Variants in CSGALNACT1 observed in about 807,000 individuals in gnomAD.
The protein encoded by CSGALNACT1 is beta4GalNAcT-1.
Under a neutral mutation model 51.0 loss-of-function variants are expected in CSGALNACT1, and 52 were observed. The observed-to-expected ratio is 1.02, with a 90% CI of 0.82 to 1.29. CSGALNACT1 has a LOEUF of 1.29. Among genes scored for constraint, CSGALNACT1 ranks in the 50% most tolerant of loss-of-function variants. The probability of loss-of-function intolerance (pLI) is 0.00; values close to 1 mark genes in which losing one functional copy is unlikely to be tolerated. For synonymous variants in CSGALNACT1, 341 were observed against 254.4 expected, an observed-to-expected ratio of 1.34 and a Z score of -3.24; for missense variants, 935 against 679.2, an observed-to-expected ratio of 1.38 and a Z score of -4.19.
At position 19,623,697 on chromosome 8, in the gene CSGALNACT1, C is replaced by T. The variant is rs114531028; in HGVS notation, c.-543-21832G>A. Reference sequence around the variant, plus strand: ...AACAGAAAGATGACTGGAAAATCCCCAGGTGTTTGGATATTAACCAATAAA... The same window carrying T: ...AACAGAAAGATGACTGGAAAATCCCTAGGTGTTTGGATATTAACCAATAAA... On this transcript the variant is annotated intron_variant, in intron 1 of 9. Transcript: ENST00000332246. Among the ~76,000 whole-genome samples the T allele has an allele frequency of 8.9e-3, 1,363 of 152,324 alleles. 21 individuals carry two copies. The highest frequency in any genetic ancestry group is 0.031 in the African/African-American group (1,272 of 41,566).
intron 1 of CSGALNACT1, among the ~76,000 whole-genome samples, chr8:19,707,530 G>A (rs2062240799): frequency 6.6e-6 from 1 of 152,166 alleles, no homozygotes; most frequent in African/African-American, 2.4e-5. Flanking sequence ...TACATGCCTA[G>A]AGTAAAAGAA....
chr8:19,505,663 G>C (rs2077193726), exon 4 of CSGALNACT1: 1 of 1,614,038 alleles, frequency 6.2e-7, no homozygotes, highest in Non-Finnish European at 8.5e-7. Flanking sequence ...AGGACGGCCT[G>C]GTACCCCTCC....
intron 4 of CSGALNACT1, among the ~76,000 whole-genome samples, chr8:19,501,303 C>G (rs1306962442): frequency 6.6e-6 from 1 of 150,552 alleles, no homozygotes; most frequent in Admixed American, 6.6e-5. Flanking sequence ...CTACACAGAA[C>G]CTCTCTTACA....
intron 3 of CSGALNACT1, among the ~76,000 whole-genome samples, chr8:19,532,356 G>C (rs1033749248): frequency 6.6e-6 from 1 of 152,102 alleles, no homozygotes; most frequent in African/African-American, 2.4e-5. Context: ...GGAACAATTA[G>C]GGGTGACTGG....
chr8:19,558,419 G>C (rs2039955492), intron 3 of CSGALNACT1, among the ~76,000 whole-genome samples: 1 of 152,074 alleles, frequency 6.6e-6, no homozygotes. Flanking sequence ...CTTCTTTACA[G>C]TTAGGGATTT....
chr8:19,528,292 C>T (rs936853541), intron 3 of CSGALNACT1, among the ~76,000 whole-genome samples: 1 of 151,522 alleles, frequency 6.6e-6, no homozygotes, highest in East Asian at 1.9e-4. Context: ...AAAAAAAAAG[C>T]AAGCAGCCCT....
intron 1 of CSGALNACT1, among the ~76,000 whole-genome samples, chr8:19,708,926 C>T (rs562510592): frequency 6.6e-6 from 1 of 152,186 alleles, no homozygotes; most frequent in African/African-American, 2.4e-5. Context: ...TGTGGACTTG[C>T]ACGTGTCATT....
At chr8:19,556,703 T>C (rs1390095961) in intron 3 of CSGALNACT1, among the ~76,000 whole-genome samples, 1 of 152,020 alleles carries the variant, frequency 6.6e-6, no homozygotes, top group Admixed American at 6.6e-5. Flanking sequence ...TTTTTTTCTC[T>C]CCTAGGATAA....
In CSGALNACT1 at chr8:19,519,219, G is replaced by A. The variant is rs192826407; in HGVS notation, c.-296-13089C>T. On this transcript the variant is annotated intron_variant, in intron 3 of 9. Coordinates refer to ENST00000454498, the Ensembl canonical transcript of CSGALNACT1. ...TGGGGGTCTACCAAGTACTGCTGGA[G>A]AATCCTTGGACCTTCTCCATCACCT... Among the ~76,000 whole-genome samples, 11 of 152,272 alleles carry A rather than the reference G, an allele frequency of 7.2e-5. No homozygotes were observed. In the East Asian group the frequency reaches 1.9e-3, roughly 27 times the overall value.
chr8:19,634,887 G>A (rs900142493), intron 1 of CSGALNACT1, among the ~76,000 whole-genome samples: 8 of 152,196 alleles, frequency 5.3e-5, no homozygotes, highest in African/African-American at 1.9e-4. Flanking sequence ...AGCTAAGACA[G>A]CTGTCATATT....
chr8:19,408,571 C>T, intron 9 of CSGALNACT1, 42 bp downstream of exon 8: 1 of 1,551,238 alleles, frequency 6.4e-7, no homozygotes, highest in African/African-American at 1.4e-5. Context: ...CTACATGGGC[C>T]CGTGGCCTCT....
At chr8:19,622,622 C>T (rs2053958314) in intron 1 of CSGALNACT1, among the ~76,000 whole-genome samples, 1 of 152,068 alleles carries the variant, frequency 6.6e-6, no homozygotes, top group African/African-American at 2.4e-5. Flanking sequence ...TATTTTAAAG[C>T]CCTTGCATTG....
intron 3 of CSGALNACT1, among the ~76,000 whole-genome samples, chr8:19,532,641 C>T (rs1024988435): frequency 8.5e-5 from 13 of 152,148 alleles, no homozygotes; most frequent in Admixed American, 8.5e-4. Flanking sequence ...TGGCCCTCTC[C>T]CTGCCTTCTA....
intron 3 of CSGALNACT1, among the ~76,000 whole-genome samples, chr8:19,527,255 C>T (rs2081902100): frequency 6.6e-6 from 1 of 152,124 alleles, no homozygotes; most frequent in African/African-American, 2.4e-5. Context: ...CAGCTTTCTG[C>T]AGGAGATGAC....
chr8:19,452,132 G>A (rs370455590), intron 5 of CSGALNACT1, among the ~76,000 whole-genome samples: 12 of 152,186 alleles, frequency 7.9e-5, no homozygotes, highest in African/African-American at 2.9e-4. Flanking sequence ...GGAGACCAAG[G>A]AAAGAAATGG....
intron 3 of CSGALNACT1, among the ~76,000 whole-genome samples, chr8:19,507,026 C>T (rs574171942): frequency 2.0e-5 from 3 of 152,290 alleles, no homozygotes; most frequent in Middle Eastern, 3.4e-3. Context: ...GAAAGAGGAT[C>T]GACATGGTTC....
chr8:19,694,995 T>A (rs2061514246), intron 1 of CSGALNACT1, among the ~76,000 whole-genome samples: 1 of 151,868 alleles, frequency 6.6e-6, no homozygotes, highest in Non-Finnish European at 1.5e-5. Flanking sequence ...TGCTGAGGGG[T>A]CATGAGGCAG....
intron 1 of CSGALNACT1, among the ~76,000 whole-genome samples, chr8:19,628,306 T>A (rs1002274168): frequency 6.6e-6 from 1 of 152,190 alleles, no homozygotes; most frequent in African/African-American, 2.4e-5. Context: ...ACATCTTACA[T>A]GGTGGCAGGA....
intron 1 of CSGALNACT1, among the ~76,000 whole-genome samples, chr8:19,741,666 T>A: frequency 6.6e-6 from 1 of 152,170 alleles, no homozygotes; most frequent in East Asian, 1.9e-4. Flanking sequence ...TAGGGACATT[T>A]AATAAAGGCT....
Sources: gnomAD v4.1 joint callset for allele counts (sites outside exome capture counted in the v4.1 genomes callset) on GRCh38, gnomAD v4.1.1 for gene constraint, MANE v1.5 for transcripts, NCBI Gene and HGNC (gene_info 2026-07-23, HGNC 2026-07-21) for gene names.